CAMKMT: variants seen among roughly 807,000 people sequenced by gnomAD.
The protein encoded by CAMKMT is calmodulin-lysine N-methyltransferase, also known as CaM KMT.
Under a neutral mutation model 48.0 loss-of-function variants are expected in CAMKMT, and 53 were observed. That is an observed-to-expected ratio of 1.10 (90% CI 0.89 to 1.39). The LOEUF is 1.39. Ranked by LOEUF, CAMKMT falls within the 40% of genes most tolerant of loss-of-function variation. The pLI, the probability that CAMKMT is intolerant of heterozygous loss-of-function variation, is 0.00. For missense variants in CAMKMT, 428 were observed against 402.7 expected (o/e 1.06, Z -0.54); for synonymous variants, 165 against 152.3 (o/e 1.08, Z -0.61).
rs147456320 is a variant in CAMKMT, at chr2:44,520,598, A to G, written c.376+130293A>G. Among the ~76,000 whole-genome samples, 9 of 152,294 alleles carry G rather than the reference A, an allele frequency of 5.9e-5. No individual in the cohort carries two copies. In the East Asian group the frequency reaches 1.5e-3, roughly 26 times the overall value. ...GCAACATGATACAATGGAAAAGGCA[A>G]TGGACTTAGAGTCAGAGAATATGAA... On this transcript the variant is annotated intron_variant, in intron 3 of 10. Coordinates refer to ENST00000378494, the MANE Select transcript of CAMKMT (RefSeq NM_024766.5).
chr2:44,570,654 G>T (rs1668857603), intron 3 of CAMKMT, among the ~76,000 whole-genome samples: 1 of 152,080 alleles, frequency 6.6e-6, no homozygotes, highest in Non-Finnish European at 1.5e-5. Flanking sequence ...ATCTGCTTCT[G>T]TTTCTTCAAA....
chr2:44,478,302 T>A (rs1668791093), intron 3 of CAMKMT, among the ~76,000 whole-genome samples: 1 of 152,196 alleles, frequency 6.6e-6, no homozygotes, highest in South Asian at 2.1e-4. Flanking sequence ...GTCTATATAT[T>A]TTTTTTCTTG....
intron 3 of CAMKMT, among the ~76,000 whole-genome samples, chr2:44,461,894 A>G (rs1240046962): frequency 1.3e-5 from 2 of 152,196 alleles, no homozygotes; most frequent in Admixed American, 6.5e-5. Context: ...TACCCTAGGT[A>G]TATGGGATTT....
intron 3 of CAMKMT, among the ~76,000 whole-genome samples, chr2:44,476,552 G>A (rs1300843526): frequency 6.6e-6 from 1 of 151,542 alleles, no homozygotes; most frequent in East Asian, 1.9e-4. Context: ...AGGGTTTTAG[G>A]GTTCTTAAAA....
At chr2:44,381,258 T>G (rs762976912) in intron 2 of CAMKMT, among the ~76,000 whole-genome samples, 4 of 152,328 alleles carry the variant, frequency 2.6e-5, no homozygotes, top group African/African-American at 9.6e-5. Context: ...TTTTAAAACA[T>G]GTACTTAACT....
Position 44,704,269 on chromosome 2 carries a change from C to T in CAMKMT, c.377-14C>T. 2.5e-6 allele frequency: 4 copies of T among 1,605,714 alleles called. No individual in the cohort carries two copies. The highest frequency in any genetic ancestry group is 2.6e-6 in the Non-Finnish European group (3 of 1,175,800). On this transcript the variant is annotated splice_polypyrimidine_tract_variant and intron_variant, in intron 3 of 10. Coordinates refer to ENST00000378494, the MANE Select transcript of CAMKMT (RefSeq NM_024766.5). ...CTTCTATAATCAAAAGGTTTATCCT[C>T]TTGTGTTTTCTAGGCATCTGGCCAT...
chr2:44,690,727 G>A (rs952388753), intron 3 of CAMKMT, among the ~76,000 whole-genome samples: 10 of 152,128 alleles, frequency 6.6e-5, no homozygotes, highest in Non-Finnish European at 1.5e-4. Context: ...TGTAATACCA[G>A]CACTTTGGGA....
At chr2:44,414,625 C>T (rs1045832648) in intron 3 of CAMKMT, among the ~76,000 whole-genome samples, 12 of 152,296 alleles carry the variant, frequency 7.9e-5, no homozygotes, top group Middle Eastern at 3.4e-3. Context: ...CATACCATTA[C>T]TGCAGCCATG....
chr2:44,704,950 A>C (rs367735528), intron 4 of CAMKMT, among the ~76,000 whole-genome samples: 5 of 152,132 alleles, frequency 3.3e-5, no homozygotes, highest in African/African-American at 7.2e-5. Context: ...AAAAAAAAAA[A>C]AACTTTATTT....
At chr2:44,438,767 G>C (rs866639221) in intron 3 of CAMKMT, among the ~76,000 whole-genome samples, 4 of 152,032 alleles carry the variant, frequency 2.6e-5, no homozygotes, top group South Asian at 4.1e-4. Context: ...GCACAATCAC[G>C]GCTCGCTGCA....
intron 7 of CAMKMT, among the ~76,000 whole-genome samples, chr2:44,736,441 A>T (rs1482759376): frequency 6.6e-6 from 1 of 151,716 alleles, no homozygotes; most frequent in Non-Finnish European, 1.5e-5. Context: ...TGCTTTTCAG[A>T]TTTTCTCTTT....
chr2:44,431,674 G>A (rs1431480620), intron 3 of CAMKMT, among the ~76,000 whole-genome samples: 1 of 152,134 alleles, frequency 6.6e-6, no homozygotes, highest in Non-Finnish European at 1.5e-5. Context: ...CAATAGGATT[G>A]TTTTGCAGAA....
intron 3 of CAMKMT, among the ~76,000 whole-genome samples, chr2:44,654,771 T>C (rs572117103): frequency 1.3e-5 from 2 of 152,338 alleles, no homozygotes; most frequent in African/African-American, 4.8e-5. Context: ...TGCTTCGGCC[T>C]CCCAAAGTGC....
chr2:44,538,880 A>G (rs554642648), intron 3 of CAMKMT, among the ~76,000 whole-genome samples: 3 of 151,708 alleles, frequency 2.0e-5, no homozygotes, highest in Non-Finnish European at 4.4e-5. Context: ...CATCTGTCCC[A>G]TTTATTATAT....
At chr2:44,736,630 G>C in intron 7 of CAMKMT, among the ~76,000 whole-genome samples, 1 of 151,992 alleles carries the variant, frequency 6.6e-6, no homozygotes, top group Non-Finnish European at 1.5e-5. Context: ...TATTTTTTGA[G>C]AAGTCCAGTT....
chr2:44,546,434 G>A (rs1667414162), intron 3 of CAMKMT, among the ~76,000 whole-genome samples: 1 of 152,148 alleles, frequency 6.6e-6, no homozygotes, highest in East Asian at 1.9e-4. Context: ...TACTTGATCT[G>A]TTTCACGTTT....
chr2:44,561,425 T>A (rs556428396), intron 3 of CAMKMT, among the ~76,000 whole-genome samples: 7 of 152,242 alleles, frequency 4.6e-5, no homozygotes, highest in Non-Finnish European at 1.0e-4. Flanking sequence ...GATAAATATA[T>A]TCTGAACATA....
At position 44,595,683 on chromosome 2, in the gene CAMKMT, A is replaced by C. The variant is rs191015500; in HGVS notation, c.377-108600A>C. On this transcript the variant is annotated intron_variant, in intron 3 of 10. Coordinates refer to ENST00000378494, the MANE Select transcript of CAMKMT (RefSeq NM_024766.5). ...AAAACTACTATAAAGACACATGCAC[A>C]TGTATGTTTATTGCGGCACTGTTCA... Among the ~76,000 whole-genome samples the C allele has an allele frequency of 1.1e-3, 175 of 152,336 alleles. 3 individuals carry two copies. The East Asian group carries it at 0.023, about 20-fold the overall frequency.
At chr2:44,745,581 G>C (rs1160892904) in intron 8 of CAMKMT, among the ~76,000 whole-genome samples, 1 of 151,710 alleles carries the variant, frequency 6.6e-6, no homozygotes, top group African/African-American at 2.4e-5. Context: ...AGAATTTATG[G>C]CTTCAAATGA....
Sources: gnomAD v4.1 joint callset for allele counts (sites outside exome capture counted in the v4.1 genomes callset) on GRCh38, gnomAD v4.1.1 for gene constraint, MANE v1.5 for transcripts, NCBI Gene and HGNC (gene_info 2026-07-23, HGNC 2026-07-21) for gene names.